The following GRHL1 variants were observed in gnomAD, a reference collection of about 807,000 sequenced individuals.
GRHL1 encodes grainyhead-like protein 1 homolog.
Under a neutral mutation model 75.7 loss-of-function variants are expected in GRHL1, and 38 were observed. The ratio of observed to expected loss-of-function variants is 0.50; its 90% confidence interval spans 0.39 to 0.66. GRHL1 has a LOEUF of 0.66. Among genes scored for constraint, GRHL1 ranks in the 30% least tolerant of loss-of-function variants. GRHL1 has a pLI of 0.00. For missense variants in GRHL1, 589 were observed against 767.5 expected (o/e 0.77, Z 2.75); for synonymous variants, 266 against 279.4 (o/e 0.95, Z 0.48).
chr2:9,997,430 A>G (rs1320558409), intron 14 of GRHL1, among the ~76,000 whole-genome samples: 2 of 152,136 alleles, frequency 1.3e-5, no homozygotes, highest in Non-Finnish European at 1.5e-5. Context: ...TGCCCACAGC[A>G]CAGGCAGCGC....
chr2:9,982,407 A>AG (rs1434296277), intron 8 of GRHL1, among the ~76,000 whole-genome samples: 2 of 152,328 alleles, frequency 1.3e-5, no homozygotes, highest in Non-Finnish European at 2.9e-5. Context: ...ACCAAAAAAA[A>AG]CAGTCCCAGC....
chr2:9,985,252 A>C (rs938156830), intron 8 of GRHL1, among the ~76,000 whole-genome samples: 3 of 152,252 alleles, frequency 2.0e-5, no homozygotes, highest in African/African-American at 7.2e-5. Context: ...TCATGGAAAT[A>C]GACCCACCAG....
chr2:9,954,430 C>T (rs978746946), intron 1 of GRHL1, among the ~76,000 whole-genome samples: 1 of 152,152 alleles, frequency 6.6e-6, no homozygotes, highest in East Asian at 1.9e-4. Context: ...CTTCTCCCCT[C>T]CCCACTGTGT....
chr2:9,964,641 AG>A, intron 7 of GRHL1: 1 of 276,798 alleles, frequency 3.6e-6, no homozygotes, highest in East Asian at 6.7e-5. Context: ...AATTGCTTTA[AG>A]GGGTAATATC....
intron 4 of GRHL1, 44 bp downstream of exon 4, chr2:9,961,480 A>T: frequency 1.9e-6 from 3 of 1,541,776 alleles, no homozygotes; most frequent in South Asian, 1.2e-5. Context: ...GCGTGTTTGT[A>T]TAAGTATTGG....
chr2:9,992,259 T>G lies in GRHL1; in HGVS notation c.1461+113T>G. The G allele has an allele frequency of 3.3e-6, 3 of 899,210 alleles. No individual in the cohort carries two copies. The highest frequency in any genetic ancestry group is 5.1e-6 in the Non-Finnish European group (3 of 586,120). 55.7% of individuals were successfully genotyped at this position (899,210 alleles called of 1,614,324 possible). A position where few individuals can be genotyped will look rare whatever the true frequency, so the allele number is the denominator to read the frequency against. On this transcript the variant is annotated intron_variant, in intron 11 of 15. Coordinates refer to ENST00000324907, the MANE Select transcript of GRHL1 (RefSeq NM_198182.3). The surrounding 1 kb of genome is among the most constrained non-coding windows in gnomAD (Gnocchi z 4.6). ...CCAAAATTGAGTGAGGTTTGACCAG[T>G]TAGTCAGCTCTTTGGAATATTCTGC...
intron 2 of GRHL1, among the ~76,000 whole-genome samples, chr2:9,955,980 G>A (rs913350814): frequency 6.6e-6 from 1 of 152,220 alleles, no homozygotes; most frequent in Admixed American, 6.5e-5. Context: ...GTCACTCTGT[G>A]TGACTAACCT....
intron 14 of GRHL1, among the ~76,000 whole-genome samples, chr2:9,996,978 G>A (rs192669314): frequency 2.6e-5 from 4 of 152,308 alleles, no homozygotes; most frequent in Admixed American, 6.5e-5. Flanking sequence ...TTAATTTCCC[G>A]TTCCAGCTGT....
At chr2:9,956,557 T>C (rs1328922040) in intron 2 of GRHL1, among the ~76,000 whole-genome samples, 1 of 151,988 alleles carries the variant, frequency 6.6e-6, no homozygotes. Context: ...TATTTCCTAG[T>C]ATGAGGCCAT....
At chr2:9,965,097 T>C in intron 7 of GRHL1, 190 bp from the exon 8 acceptor site, 1 of 526,128 alleles carries the variant, frequency 1.9e-6, no homozygotes, top group Non-Finnish European at 3.4e-6. Context: ...ATGTCTAAGC[T>C]TGCCTCTATT....
At position 9,995,947 on chromosome 2, in the gene GRHL1, C is replaced by T; in HGVS notation, c.1568C>T (p.Ala523Val). 2 of 1,608,338 alleles carry T rather than the reference C, an allele frequency of 1.2e-6. No individual in the cohort carries two copies. Among genetic ancestry groups the T allele is most frequent in the Non-Finnish European group, 1.7e-6 (2 of 1,174,604 alleles). The change falls in exon 13 of 16, where the codon GCC becomes GTC. Residue 523 changes from alanine to valine, a missense_variant. This residue lies in a region of GRHL1 where 192 missense variants were observed against 226.6 expected (regional missense o/e 0.85). Coordinates refer to ENST00000324907, the MANE Select transcript of GRHL1 (RefSeq NM_198182.3). ...DFAVPPSTKL[A>V]RIEEPKRVLL... ...GCTGTCCCTCCTTCTACCAAGCTGG[C>T]CCGGATAGAAGAACCAAAGAGAGGT...
intron 8 of GRHL1, 137 bp from the exon 9 acceptor site, chr2:9,985,987 C>G (rs1048533369): frequency 3.7e-5 from 23 of 626,802 alleles, no homozygotes; most frequent in Admixed American, 5.8e-5. Context: ...TTTTAAAAAC[C>G]CTTTTTTAAA....
At chr2:9,967,273 G>A (rs754007223) in intron 8 of GRHL1, among the ~76,000 whole-genome samples, 1 of 152,218 alleles carries the variant, frequency 6.6e-6, no homozygotes, top group African/African-American at 2.4e-5. Flanking sequence ...GCTCTTCTTC[G>A]TTGGGTGTGG....
chr2:9,998,492 G>GTATATACGTA (rs1668998094), intron 14 of GRHL1, among the ~76,000 whole-genome samples: 2 of 21,388 alleles, frequency 9.4e-5, no homozygotes, highest in Non-Finnish European at 7.3e-5. Context: ...ATATATATAC[G>GTATATACGTA]TATATATACA....
chr2:9,993,209 C>G lies in GRHL1; in HGVS notation c.1464C>G (p.Val488=). ...HFANLQRGTH[V]LPIASEELEG... ...GCAATCTATTCCTTTGGTCTTAGGTCCTTCCCATTGCCTCTGAAGAATTGG... is the reference window on the plus strand; with the variant it reads ...GCAATCTATTCCTTTGGTCTTAGGTGCTTCCCATTGCCTCTGAAGAATTGG... Residue 488 remains valine (V), a splice_region_variant and synonymous_variant, in exon 12 of 16, where the codon GTC becomes GTG. Coordinates refer to ENST00000324907, the MANE Select transcript of GRHL1 (RefSeq NM_198182.3). The G allele has an allele frequency of 6.2e-7, 1 of 1,608,296 alleles. No individual in the cohort carries two copies. The highest frequency in any genetic ancestry group is 8.5e-7 in the Non-Finnish European group (1 of 1,174,700).
At chr2:9,953,531 A>G (rs1350979090) in intron 1 of GRHL1, among the ~76,000 whole-genome samples, 2 of 152,240 alleles carry the variant, frequency 1.3e-5, no homozygotes, top group Non-Finnish European at 2.9e-5. Flanking sequence ...TTAAAATAGT[A>G]TACCACCTCA....
At chr2:9,994,000 GA>G (rs1270815967) in intron 12 of GRHL1, among the ~76,000 whole-genome samples, 1 of 152,200 alleles carries the variant, frequency 6.6e-6, no homozygotes, top group African/African-American at 2.4e-5. Flanking sequence ...GGTTGTCCCA[GA>G]ATTGGGCTCT....
chr2:9,966,401 CAAAAAAAAGAA>C (rs1323250293), intron 8 of GRHL1: 1 of 132,436 alleles, frequency 7.6e-6, no homozygotes, highest in Non-Finnish European at 1.6e-5. Context: ...CTGTCCCCCC[CAAAAAAAAGAA>C]AAAAAAAACT....
In GRHL1 at chr2:10,000,617, C is replaced by T. The variant is rs772899796; in HGVS notation, c.1767C>T (p.Asn589=). The change falls in exon 16 of 16, where the codon AAC becomes AAT. Residue 589 remains asparagine (N), a synonymous_variant. Transcript: ENST00000324907. ...KKGILVNMDD[N]IVKHYSNEDT... ...GGATCCTGGTGAACATGGACGACAACATTGTGAAGCATTACTCCAATGAGG... is the reference window on the plus strand; with the variant it reads ...GGATCCTGGTGAACATGGACGACAATATTGTGAAGCATTACTCCAATGAGG... 6.2e-7 allele frequency: 1 copy of T among 1,612,278 alleles called. No homozygotes were observed. Among genetic ancestry groups the T allele is most frequent in the Non-Finnish European group, 8.5e-7 (1 of 1,178,612 alleles).
Sources: allele counts gnomAD v4.1 joint callset (sites outside exome capture counted in the v4.1 genomes callset), GRCh38; gene constraint gnomAD v4.1.1; regional missense constraint gnomAD v4.1.1; non-coding constraint Gnocchi (gnomAD v3.1); transcripts MANE v1.5; gene names NCBI Gene and HGNC (gene_info 2026-07-23, HGNC 2026-07-21).